MMRN1: variants seen among roughly 807,000 people sequenced by gnomAD.
The protein encoded by MMRN1 is multimerin 1, also known as multimerin-1.
Under a neutral mutation model 100.7 loss-of-function variants are expected in MMRN1, and 94 were observed. The ratio of observed to expected loss-of-function variants is 0.93; its 90% CI spans 0.79 to 1.11. The LOEUF (loss-of-function observed/expected upper bound fraction) is 1.11. MMRN1 is among the 50% of genes least tolerant of loss of function. MMRN1 has a pLI of 0.00. For synonymous variants in MMRN1, 575 were observed against 505.0 expected, an observed-to-expected ratio of 1.14 and a Z score of -1.86; for missense variants, 1,606 against 1,439.1, an observed-to-expected ratio of 1.12 and a Z score of -1.88.
intron 1 of MMRN1, among the ~76,000 whole-genome samples, chr4:89,908,826 T>A (rs1578474577): frequency 6.6e-6 from 1 of 151,624 alleles, no homozygotes; most frequent in Non-Finnish European, 1.5e-5. Context: ...TACAATCATA[T>A]CCACTGCAGC....
intron 1 of MMRN1, among the ~76,000 whole-genome samples, chr4:89,888,021 T>G (rs558095731): frequency 6.6e-6 from 1 of 152,184 alleles, no homozygotes; most frequent in East Asian, 1.9e-4. Flanking sequence ...ACTATTCATT[T>G]TGTTCACATA....
chr4:89,951,149 A>G (rs1723158742), intron 6 of MMRN1, among the ~76,000 whole-genome samples: 1 of 151,856 alleles, frequency 6.6e-6, no homozygotes, highest in African/African-American at 2.4e-5. Context: ...TTGTAATGCA[A>G]TCATATTGGT....
chr4:89,902,550 G>T (rs1010719379), intron 1 of MMRN1, among the ~76,000 whole-genome samples: 1 of 151,764 alleles, frequency 6.6e-6, no homozygotes, highest in Non-Finnish European at 1.5e-5. Flanking sequence ...CCATACATTC[G>T]GCTCGTTCTC....
At chr4:89,943,097 G>C (rs992919581) in intron 6 of MMRN1, among the ~76,000 whole-genome samples, 11 of 152,138 alleles carry the variant, frequency 7.2e-5, no homozygotes, top group Admixed American at 3.3e-4. Context: ...ACTGGAGAGA[G>C]AGCAGTCTGG....
At chr4:89,905,782 C>A (rs1721547742) in intron 1 of MMRN1, among the ~76,000 whole-genome samples, 1 of 151,492 alleles carries the variant, frequency 6.6e-6, no homozygotes, top group South Asian at 2.1e-4. Flanking sequence ...AAATTATATA[C>A]CATTGGCTTG....
chr4:89,879,541 A>G (rs983962254), exon 1 of MMRN1: 3 of 152,190 alleles, frequency 2.0e-5, no homozygotes, highest in African/African-American at 7.2e-5. Flanking sequence ...CAGAGAGGCC[A>G]AGAGGTTTCT....
In MMRN1 at chr4:89,950,176, C is replaced by T. The variant is rs149691841; in HGVS notation, c.3119-1429C>T. Among the ~76,000 whole-genome samples the T allele has an allele frequency of 2.7e-4, 41 of 152,286 alleles. No homozygotes were observed. In the East Asian group the frequency reaches 7.3e-3, roughly 27 times the overall value. On this transcript the variant is annotated intron_variant, in intron 6 of 7. Coordinates refer to ENST00000264790, the MANE Select transcript of MMRN1 (RefSeq NM_007351.3). ...ACCAAACCTGTTGGAGAATCTACCT[C>T]ATTCTTTAATTGCTGTCTAATATTC... is the stretch of plus-strand genomic sequence containing the variant.
At chr4:89,915,750 A>G (rs1016827388) in intron 3 of MMRN1, among the ~76,000 whole-genome samples, 1 of 151,636 alleles carries the variant, frequency 6.6e-6, no homozygotes, top group Non-Finnish European at 1.5e-5. Flanking sequence ...GCAAAAAGGA[A>G]TCCAACTTAA....
At chr4:89,883,149 CCT>C (rs1169651211) in intron 1 of MMRN1, among the ~76,000 whole-genome samples, 1 of 151,948 alleles carries the variant, frequency 6.6e-6, no homozygotes, top group East Asian at 1.9e-4. Flanking sequence ...ATATTCCATT[CCT>C]TGTTTATATC....
intron 1 of MMRN1, among the ~76,000 whole-genome samples, chr4:89,899,716 A>T (rs1054172082): frequency 2.0e-5 from 3 of 152,094 alleles, no homozygotes; most frequent in Non-Finnish European, 4.4e-5. Flanking sequence ...CTAGTTCCAT[A>T]ACTAGAAACC....
intron 1 of MMRN1, among the ~76,000 whole-genome samples, chr4:89,884,212 G>A (rs1296887398): frequency 2.0e-4 from 31 of 151,756 alleles, no homozygotes; most frequent in Admixed American, 1.9e-3. Context: ...ATTAATTTTA[G>A]CATTGCTTAG....
chr4:89,951,763 G>A lies in MMRN1; in HGVS notation c.3265+12G>A, dbSNP rs1252298397. The stretch of plus-strand genomic sequence containing the variant: ...TGCTTTAGCTCCAGGTAAAAAAAAA[G>A]TATACGCATCTTTGGATTTGCTCAT... On this transcript the variant is annotated intron_variant, in intron 7 of 7. Coordinates refer to ENST00000264790, the MANE Select transcript of MMRN1 (RefSeq NM_007351.3). The A allele has an allele frequency of 3.1e-6, 5 of 1,608,458 alleles. No individual in the cohort carries two copies. Among genetic ancestry groups the A allele is most frequent in the Non-Finnish European group, 4.2e-6 (5 of 1,177,598 alleles).
chr4:89,943,792 C>G (rs766068295), intron 6 of MMRN1, among the ~76,000 whole-genome samples: 94 of 152,064 alleles, frequency 6.2e-4, no homozygotes, highest in Admixed American at 4.6e-3. Context: ...GAGTTCGAGA[C>G]CAGCCTGGCC....
intron 7 of MMRN1, among the ~76,000 whole-genome samples, chr4:89,952,463 T>C (rs1723209949): frequency 6.6e-6 from 1 of 152,236 alleles, no homozygotes; most frequent in Non-Finnish European, 1.5e-5. Flanking sequence ...TTTTTAGATC[T>C]CAGCCTTTGT....
At position 89,936,679 on chromosome 4, in the gene MMRN1, C is replaced by T. The variant is rs1269975207; in HGVS notation, c.2999C>T (p.Ser1000Phe). 6.2e-7 allele frequency: 1 copy of T among 1,613,514 alleles called. No individual in the cohort carries two copies. Among genetic ancestry groups the T allele is most frequent in the South Asian group, 1.1e-5 (1 of 91,058 alleles). ...LPGSLANVVKSQKQVKSLPKK... is the reference protein window; with the variant it reads ...LPGSLANVVKFQKQVKSLPKK... ...GGTAGTCTGGCAAATGTTGTCAAGT[C>T]TCAGAAGCAAGTAAAATCATTGCCA... The change falls in exon 6 of 8, where the codon TCT becomes TTT. Residue 1000 changes from serine to phenylalanine, a missense_variant. Ser to Phe is a radical substitution (Grantham distance 155). Coordinates refer to ENST00000264790, the MANE Select transcript of MMRN1 (RefSeq NM_007351.3).
At chr4:89,952,816 G>T (rs1046739349) in intron 7 of MMRN1, among the ~76,000 whole-genome samples, 181 bp from the exon 8 acceptor site, 1 of 152,168 alleles carries the variant, frequency 6.6e-6, no homozygotes, top group Non-Finnish European at 1.5e-5. Context: ...AAGCAATTTA[G>T]AGTAATTTAC....
intron 1 of MMRN1, among the ~76,000 whole-genome samples, chr4:89,907,149 C>T (rs1437060572): frequency 1.3e-5 from 2 of 151,244 alleles, no homozygotes; most frequent in African/African-American, 4.8e-5. Context: ...TTTAAAGATC[C>T]CTTTATTGTG....
intron 1 of MMRN1, among the ~76,000 whole-genome samples, chr4:89,896,722 A>T (rs1560579591): frequency 6.6e-6 from 1 of 152,186 alleles, no homozygotes; most frequent in Non-Finnish European, 1.5e-5. Flanking sequence ...TGTTGCTGAT[A>T]TAAAGGTGAG....
At chr4:89,881,307 C>A (rs2110566376) in intron 1 of MMRN1, among the ~76,000 whole-genome samples, 1 of 152,144 alleles carries the variant, frequency 6.6e-6, no homozygotes, top group East Asian at 1.9e-4. Flanking sequence ...TAAGCAAATA[C>A]ATTTGTAACA....
Sources: allele counts gnomAD v4.1 joint callset (sites outside exome capture counted in the v4.1 genomes callset), GRCh38; gene constraint gnomAD v4.1.1; transcripts MANE v1.5; gene names NCBI Gene and HGNC (gene_info 2026-07-23, HGNC 2026-07-21).